Variants in BABAM2 observed in about 807,000 individuals in gnomAD.
BABAM2 encodes BRISC and BRCA1-A complex member 2.
In BABAM2, 31 loss-of-function variants were observed where a neutral mutation model predicts 54.7. The ratio of observed to expected loss-of-function variants is 0.57; its 90% confidence interval spans 0.43 to 0.77. The LOEUF (loss-of-function observed/expected upper bound fraction) is 0.77. Among genes scored for constraint, BABAM2 ranks in the 30% least tolerant of loss-of-function variants. BABAM2 has a pLI of 0.00. For missense variants in BABAM2, 364 were observed against 455.8 expected, an observed-to-expected ratio of 0.80 and a Z score of 1.83; for synonymous variants, 167 against 162.9, an observed-to-expected ratio of 1.03 and a Z score of -0.19.
intron 2 of BABAM2, among the ~76,000 whole-genome samples, chr2:27,917,150 T>G (rs917106679): frequency 6.6e-6 from 1 of 151,858 alleles, no homozygotes; most frequent in Non-Finnish European, 1.5e-5. Context: ...CCCAAGTGGC[T>G]GGGGCTACAG....
intron 10 of BABAM2, among the ~76,000 whole-genome samples, chr2:28,253,902 G>A (rs1243257097): frequency 6.6e-6 from 1 of 152,178 alleles, no homozygotes; most frequent in Non-Finnish European, 1.5e-5. Flanking sequence ...CCCCTGTCCT[G>A]TGGCACAAAC....
chr2:28,128,101 C>T (rs4666036), intron 6 of BABAM2, among the ~76,000 whole-genome samples: 37,369 of 151,994 alleles, frequency 0.25, 5,471 homozygotes, highest in East Asian at 0.55. Flanking sequence ...CATGAGCCAC[C>T]GCGCCCAGCC....
intron 7 of BABAM2, among the ~76,000 whole-genome samples, chr2:28,136,351 T>C (rs1670537510): frequency 6.6e-6 from 1 of 152,242 alleles, no homozygotes; most frequent in African/African-American, 2.4e-5. Context: ...CTCCCTGGAC[T>C]CTAAACTCTT....
chr2:28,060,661 A>G (rs1184694687), intron 6 of BABAM2, among the ~76,000 whole-genome samples: 3 of 152,232 alleles, frequency 2.0e-5, no homozygotes, highest in African/African-American at 7.2e-5. Flanking sequence ...CAAGGTCAAT[A>G]TATAAAATCA....
intron 6 of BABAM2, among the ~76,000 whole-genome samples, chr2:28,082,562 G>A (rs1157273520): frequency 6.6e-6 from 1 of 152,214 alleles, no homozygotes; most frequent in African/African-American, 2.4e-5. Flanking sequence ...TTGTGAGGAT[G>A]AAATAAAATA....
chr2:28,267,383 C>T (rs1685069898), intron 10 of BABAM2, among the ~76,000 whole-genome samples: 1 of 151,826 alleles, frequency 6.6e-6, no homozygotes, highest in African/African-American at 2.4e-5. Context: ...GGAGGCAGAG[C>T]CCACCCCCAG....
intron 7 of BABAM2, among the ~76,000 whole-genome samples, chr2:28,191,849 G>T (rs916643388): frequency 2.0e-5 from 3 of 152,012 alleles, no homozygotes; most frequent in Admixed American, 6.6e-5. Context: ...GGTTTCTCAG[G>T]TGTCAAAAGT....
chr2:28,238,960 A>G (rs1682164796), intron 8 of BABAM2, among the ~76,000 whole-genome samples: 1 of 152,170 alleles, frequency 6.6e-6, no homozygotes, highest in African/African-American at 2.4e-5. Flanking sequence ...TTTGCTACAA[A>G]TGAGGACAGT....
At chr2:27,983,048 C>G (rs115849444) in intron 3 of BABAM2, among the ~76,000 whole-genome samples, 1 of 151,970 alleles carries the variant, frequency 6.6e-6, no homozygotes, top group African/African-American at 2.4e-5. Flanking sequence ...ATTTCTGGAT[C>G]ATATGTTAAT....
chr2:28,266,745 G>A (rs1289381580), intron 10 of BABAM2, among the ~76,000 whole-genome samples: 1 of 152,212 alleles, frequency 6.6e-6, no homozygotes, highest in Non-Finnish European at 1.5e-5. Flanking sequence ...CAAAAACAAA[G>A]GAGGAACTGC....
At chr2:28,019,002 C>A (rs982536932) in intron 4 of BABAM2, among the ~76,000 whole-genome samples, 1 of 152,008 alleles carries the variant, frequency 6.6e-6, no homozygotes, top group African/African-American at 2.4e-5. Flanking sequence ...CCTCCCCTTA[C>A]CCCCCAACCC....
chr2:28,075,563 T>TGTGTGTGTGTGTGTGC (rs1483578044), intron 6 of BABAM2, among the ~76,000 whole-genome samples: 3 of 151,896 alleles, frequency 2.0e-5, no homozygotes, highest in Non-Finnish European at 2.9e-5. Context: ...TGTGCATGTG[T>TGTGTGTGTGTGTGTGC]GTGTGTGTGT....
chr2:28,265,747 C>A (rs1684929257), intron 10 of BABAM2, among the ~76,000 whole-genome samples: 1 of 152,162 alleles, frequency 6.6e-6, no homozygotes, highest in African/African-American at 2.4e-5. Flanking sequence ...TGCCCCTCCC[C>A]ACCCCACATA....
intron 6 of BABAM2, among the ~76,000 whole-genome samples, chr2:28,065,453 T>C (rs1287887122): frequency 7.9e-5 from 12 of 152,142 alleles, no homozygotes; most frequent in Admixed American, 7.9e-4. Context: ...GTGGTTCTCC[T>C]TAATATCGCC....
At chr2:27,942,791 A>AATTTATTTATTTATTT (rs34308709) in intron 3 of BABAM2, among the ~76,000 whole-genome samples, 104 of 141,860 alleles carry the variant, frequency 7.3e-4, no homozygotes, top group South Asian at 1.2e-3. Flanking sequence ...TTTCTTAAAA[A>AATTTATTTATTTATTT]ATTTATTTAT....
intron 6 of BABAM2, among the ~76,000 whole-genome samples, chr2:28,089,645 T>C (rs1665990453): frequency 6.6e-6 from 1 of 152,240 alleles, no homozygotes; most frequent in African/African-American, 2.4e-5. Flanking sequence ...TTAAGTAACT[T>C]GCCCAGGCTC....
chr2:27,984,937 A>G (rs1052819893), intron 3 of BABAM2, among the ~76,000 whole-genome samples: 2 of 152,106 alleles, frequency 1.3e-5, no homozygotes, highest in Non-Finnish European at 2.9e-5. Flanking sequence ...GTGTGAGAGC[A>G]TACAATGTTT....
intron 10 of BABAM2, among the ~76,000 whole-genome samples, chr2:28,276,149 A>T (rs1293706886): frequency 2.0e-5 from 3 of 152,162 alleles, no homozygotes; most frequent in Non-Finnish European, 4.4e-5. Flanking sequence ...AGATGAAGTT[A>T]TTTTTAGAGA....
chr2:28,244,718 C>T lies in BABAM2; in HGVS notation c.852-62C>T, dbSNP rs1682757074. ...ATATATTCTTTACTTGGTTTTATTG[C>T]TTTTATACCTTAATTTTATGAGGGT... On this transcript the variant is annotated intron_variant, in intron 9 of 11. Coordinates refer to ENST00000379624, the MANE Select transcript of BABAM2 (RefSeq NM_199191.3). The T allele has an allele frequency of 4.8e-6, 7 of 1,459,898 alleles. No individual in the cohort carries two copies. In the African/African-American group the frequency reaches 8.5e-5, roughly 18 times the overall value. The allele number at this position is 1,459,898 out of a possible 1,614,324, so 90.4% of individuals were successfully genotyped here. A position where few individuals can be genotyped will look rare whatever the true frequency, so the allele number is the denominator to read the frequency against.
Sources: allele counts gnomAD v4.1 joint callset (sites outside exome capture counted in the v4.1 genomes callset), GRCh38; gene constraint gnomAD v4.1.1; transcripts MANE v1.5; gene names NCBI Gene and HGNC (gene_info 2026-07-23, HGNC 2026-07-21).